The following RIMS2 variants were observed in gnomAD, a reference collection of about 807,000 sequenced individuals.
RIMS2 encodes the protein regulating synaptic membrane exocytosis 2.
Under a neutral mutation model 174.4 loss-of-function variants are expected in RIMS2, and 59 were observed. The observed-to-expected ratio is 0.34, with a 90% CI of 0.27 to 0.42. The LOEUF is 0.42. Among genes scored for constraint, RIMS2 ranks in the 10% least tolerant of loss-of-function variants. The pLI is 1.00. For missense variants in RIMS2, 1,620 were observed against 1,666.3 expected (o/e 0.97, Z 0.48); for synonymous variants, 606 against 572.5 (o/e 1.06, Z -0.84).
At chr8:103,952,675 G>A (rs1166845917) in intron 14 of RIMS2, among the ~76,000 whole-genome samples, 1 of 152,142 alleles carries the variant, frequency 6.6e-6, no homozygotes, top group Non-Finnish European at 1.5e-5. Context: ...CAAAAAGGCT[G>A]AAAATTCCAA....
chr8:104,100,936 T>G (rs1400520526), intron 19 of RIMS2, among the ~76,000 whole-genome samples: 8 of 108,398 alleles, frequency 7.4e-5, no homozygotes, highest in East Asian at 3.0e-4. Context: ...TGTGATATAT[T>G]ATATATTATA....
At chr8:104,128,664 T>G (rs2098450328) in intron 19 of RIMS2, among the ~76,000 whole-genome samples, 2 of 152,000 alleles carry the variant, frequency 1.3e-5, no homozygotes, top group African/African-American at 4.8e-5. Flanking sequence ...GCCATTGTAC[T>G]CCAGCCTGGG....
chr8:104,154,158 G>A (rs574124658), intron 19 of RIMS2, among the ~76,000 whole-genome samples: 7 of 152,298 alleles, frequency 4.6e-5, no homozygotes, highest in African/African-American at 9.6e-5. Context: ...ATCTCCATTC[G>A]ATAGATGGGG....
At chr8:103,762,796 C>T (rs888534121) in intron 2 of RIMS2, among the ~76,000 whole-genome samples, 1 of 152,142 alleles carries the variant, frequency 6.6e-6, no homozygotes, top group African/African-American at 2.4e-5. Flanking sequence ...TAGCCTTCTA[C>T]ACACCTAGGC....
intron 1 of RIMS2, among the ~76,000 whole-genome samples, chr8:103,585,456 A>G (rs1466695815): frequency 6.6e-6 from 1 of 152,214 alleles, no homozygotes; most frequent in Non-Finnish European, 1.5e-5. Context: ...GGCACTATTT[A>G]CAATAGCAAA....
chr8:103,826,825 TG>T (rs1460590370), intron 3 of RIMS2, among the ~76,000 whole-genome samples: 1 of 151,578 alleles, frequency 6.6e-6, no homozygotes. Context: ...GAACTATTTT[TG>T]TAGAGTTTTG....
At chr8:103,689,785 T>G (rs1277375224) in intron 1 of RIMS2, among the ~76,000 whole-genome samples, 1 of 152,182 alleles carries the variant, frequency 6.6e-6, no homozygotes, top group Non-Finnish European at 1.5e-5. Context: ...ACACTGTGAT[T>G]ATGGTGTATA....
chr8:103,750,549 C>G (rs971142145), intron 2 of RIMS2, among the ~76,000 whole-genome samples: 1 of 152,116 alleles, frequency 6.6e-6, no homozygotes, highest in Non-Finnish European at 1.5e-5. Flanking sequence ...GGCTTTGTGT[C>G]CCCACCCAAA....
chr8:103,598,541 G>C (rs1025470036), intron 1 of RIMS2, among the ~76,000 whole-genome samples: 1 of 152,050 alleles, frequency 6.6e-6, no homozygotes, highest in Non-Finnish European at 1.5e-5. Context: ...TTATAAATTG[G>C]GCAGATTCAA....
intron 14 of RIMS2, among the ~76,000 whole-genome samples, chr8:103,955,293 A>G (rs1282403689): frequency 6.6e-6 from 1 of 152,160 alleles, no homozygotes; most frequent in Non-Finnish European, 1.5e-5. Flanking sequence ...CAGAGACACA[A>G]CAAAAAAAGA....
chr8:104,222,176 A>G (rs1323668815), intron 19 of RIMS2, among the ~76,000 whole-genome samples: 2 of 152,218 alleles, frequency 1.3e-5, no homozygotes, highest in African/African-American at 4.8e-5. Flanking sequence ...TTAGCACTAT[A>G]TAATTTACTG....
intron 3 of RIMS2, among the ~76,000 whole-genome samples, chr8:103,836,623 T>A (rs1263370852): frequency 1.3e-5 from 2 of 152,198 alleles, no homozygotes; most frequent in Non-Finnish European, 2.9e-5. Context: ...TTGCAGTAAG[T>A]TTCTCAACAA....
exon 24 of RIMS2, chr8:104,251,856 T>TAAA: frequency 9.5e-6 from 8 of 841,454 alleles, no homozygotes; most frequent in South Asian, 3.9e-5. Context: ...GCAACCAGCG[T>TAAA]TACAAAAAAA....
At chr8:104,084,635 GT>G (rs914893036) in intron 19 of RIMS2, among the ~76,000 whole-genome samples, 1 of 151,114 alleles carries the variant, frequency 6.6e-6, no homozygotes, top group East Asian at 2.0e-4. Flanking sequence ...CATTTTCATG[GT>G]TTTTTTTCAA....
chr8:103,791,101 A>G (rs1161884403), intron 3 of RIMS2, among the ~76,000 whole-genome samples: 1 of 152,190 alleles, frequency 6.6e-6, no homozygotes, highest in African/African-American at 2.4e-5. Context: ...GAGAAGAGCA[A>G]CTCCAAGATA....
At chr8:103,951,427 G>T (rs2085329303) in intron 14 of RIMS2, among the ~76,000 whole-genome samples, 1 of 152,196 alleles carries the variant, frequency 6.6e-6, no homozygotes, top group South Asian at 2.1e-4. Flanking sequence ...ATCTCATTGG[G>T]ACTGCTTGGA....
In RIMS2 at chr8:104,204,587, A is replaced by C. The variant is rs563330861; in HGVS notation, c.3335-40329A>C. Among the ~76,000 whole-genome samples the C allele has an allele frequency of 1.1e-4, 17 of 152,320 alleles. No homozygotes were observed. The South Asian group carries it at 2.3e-3, about 20-fold the overall frequency. On this transcript the variant is annotated intron_variant, in intron 19 of 23. Coordinates refer to ENST00000504942, the Ensembl canonical transcript of RIMS2. ...TAAAAATATTAAACAGTTGTCTGAA[A>C]AACTGACCTCAATTCCTCAACCTCA...
intron 19 of RIMS2, 122 bp from the exon 25 acceptor site, chr8:104,148,485 C>T (rs2098661924): frequency 1.0e-6 from 1 of 1,000,744 alleles, no homozygotes; most frequent in African/African-American, 1.6e-5. Context: ...TTTTTTAACT[C>T]CTAAAAATAT....
At chr8:103,636,435 G>A (rs1207932491) in intron 1 of RIMS2, among the ~76,000 whole-genome samples, 1 of 152,142 alleles carries the variant, frequency 6.6e-6, no homozygotes, top group Non-Finnish European at 1.5e-5. Context: ...GGCCCTGGTT[G>A]AGTGGGTTCA....
Sources: allele counts gnomAD v4.1 joint callset (sites outside exome capture counted in the v4.1 genomes callset), GRCh38; gene constraint gnomAD v4.1.1; transcripts MANE v1.5; gene names NCBI Gene and HGNC (gene_info 2026-07-23, HGNC 2026-07-21).